The following GSK3B variants were observed in gnomAD, a reference collection of about 807,000 sequenced individuals.
The protein encoded by GSK3B is glycogen synthase kinase 3 beta.
A neutral mutation model predicts 56.4 loss-of-function variants in GSK3B; 15 were observed. The observed-to-expected ratio is 0.27, with a 90% confidence interval of 0.18 to 0.41. The LOEUF (loss-of-function observed/expected upper bound fraction) is 0.41. Among genes scored for constraint, GSK3B ranks in the 10% least tolerant of loss-of-function variants. The pLI is 1.00. For synonymous variants in GSK3B, 181 were observed against 188.9 expected (o/e 0.96, Z 0.34); for missense variants, 300 against 513.4 (o/e 0.58, Z 4.02).
At chr3:120,080,019 G>A (rs1426379269) in intron 1 of GSK3B, among the ~76,000 whole-genome samples, 1 of 152,154 alleles carries the variant, frequency 6.6e-6, no homozygotes, top group Non-Finnish European at 1.5e-5. Context: ...TTATGGCCAG[G>A]TGAGGTGGCA....
At chr3:120,028,870 G>C in intron 1 of GSK3B, 1 of 462,214 alleles carries the variant, frequency 2.2e-6, no homozygotes, top group Non-Finnish European at 4.1e-6. Context: ...CGCAGGTTTG[G>C]CTTCTTCGCA....
In GSK3B at chr3:120,093,563, C is replaced by T. The variant is rs1432172794; in HGVS notation, c.-129G>A. On this transcript the variant is annotated 5_prime_UTR_variant, in exon 1 of 11. Transcript: ENST00000264235. Reference sequence around the variant, plus strand: ...CCACAGAAGAAAAAGAAAAAGACTTCGTCCTCTTGGCTTTTCACTCCTTTT... The same window carrying T: ...CCACAGAAGAAAAAGAAAAAGACTTTGTCCTCTTGGCTTTTCACTCCTTTT... The T allele has an allele frequency of 3.2e-6, 2 of 632,078 alleles. No homozygotes were observed. The highest frequency in any genetic ancestry group is 2.6e-5 in the East Asian group (1 of 38,012). The allele number at this position is 632,078 out of a possible 1,614,324, so 39.2% of individuals were successfully genotyped here.
chr3:120,038,402 C>T (rs1346317513), intron 1 of GSK3B, among the ~76,000 whole-genome samples: 3 of 152,106 alleles, frequency 2.0e-5, no homozygotes, highest in Admixed American at 1.3e-4. Flanking sequence ...CTGGTCCACA[C>T]CTATGATACC....
In GSK3B at chr3:120,037,882, T is replaced by C. The variant is rs539371584; in HGVS notation, c.89-35643A>G. Among the ~76,000 whole-genome samples the C allele has an allele frequency of 5.9e-5, 9 of 152,278 alleles. No homozygotes were observed. In the South Asian group the frequency reaches 1.2e-3, roughly 21 times the overall value. ...CAAACAGTCCATAGGTTAACACTATTATATTTTCCTGTAATACACTATAGA... is the reference window on the plus strand; with the variant it reads ...CAAACAGTCCATAGGTTAACACTATCATATTTTCCTGTAATACACTATAGA... On this transcript the variant is annotated intron_variant, in intron 1 of 10. Coordinates refer to ENST00000264235, the MANE Select transcript of GSK3B (RefSeq NM_001146156.2).
chr3:119,979,552 A>G (rs1320536925), intron 2 of GSK3B, among the ~76,000 whole-genome samples: 1 of 152,178 alleles, frequency 6.6e-6, no homozygotes, highest in Non-Finnish European at 1.5e-5. Flanking sequence ...GCTGGAGTTA[A>G]AGGCACTGCT....
At position 120,086,761 on chromosome 3, in the gene GSK3B, C is replaced by T. The variant is rs192422738; in HGVS notation, c.88+6586G>A. Among the ~76,000 whole-genome samples the T allele has an allele frequency of 2.3e-3, 348 of 151,792 alleles. 3 individuals are homozygous for T. Among genetic ancestry groups the T allele is most frequent in the Middle Eastern group, 6.8e-3 (2 of 294 alleles). On this transcript the variant is annotated intron_variant, in intron 1 of 10. Coordinates refer to ENST00000264235, the MANE Select transcript of GSK3B (RefSeq NM_001146156.2). ...AGTGAGCCAAGACTGTGCCACTGCA[C>T]TCCAGGCTAGGCATAGGCAACACAG...
chr3:119,943,414 A>G (rs1241291857), intron 3 of GSK3B, among the ~76,000 whole-genome samples: 1 of 152,222 alleles, frequency 6.6e-6, no homozygotes, highest in African/African-American at 2.4e-5. Flanking sequence ...ACATATTATG[A>G]GGCAAGAGAA....
chr3:120,025,402 C>CA (rs2057914335), intron 1 of GSK3B, among the ~76,000 whole-genome samples: 2 of 151,182 alleles, frequency 1.3e-5, no homozygotes, highest in Non-Finnish European at 3.0e-5. Context: ...CAGCAAAGAA[C>CA]AGAAAAAAAC....
At chr3:119,844,185 G>T (rs191528787) in intron 9 of GSK3B, among the ~76,000 whole-genome samples, 28 of 152,164 alleles carry the variant, frequency 1.8e-4, no homozygotes, top group Admixed American at 5.2e-4. Flanking sequence ...TGTTTAAAGG[G>T]AAATTTATAG....
At position 120,076,850 on chromosome 3, in the gene GSK3B, A is replaced by C. The variant is rs111284126; in HGVS notation, c.88+16497T>G. 6.0e-3 allele frequency among the ~76,000 whole-genome samples: 886 copies of C among 147,172 alleles called. 10 individuals are homozygous for C. The highest frequency in any genetic ancestry group is 0.019 in the African/African-American group (766 of 39,942). ...AAAAAAAAAAAAAAATGGGCAAAGG[A>C]GGTGAATAGACATTTCCCTAAAGGT... On this transcript the variant is annotated intron_variant, in intron 1 of 10. Transcript: ENST00000264235.
chr3:120,054,185 T>A (rs2058174053), intron 1 of GSK3B, among the ~76,000 whole-genome samples: 2 of 152,220 alleles, frequency 1.3e-5, no homozygotes, highest in African/African-American at 4.8e-5. Flanking sequence ...TCTAGAAAGT[T>A]CAAGATGATG....
At position 119,913,920 on chromosome 3, in the gene GSK3B, T is replaced by C. The variant is rs189197988; in HGVS notation, c.609-1110A>G. On this transcript the variant is annotated intron_variant, in intron 5 of 10. Transcript: ENST00000264235. ...GCTGCATGAAAATTATGACATTTAGTTTTCAGCATAATTGATAGGAGACTG... is the reference window on the plus strand; with the variant it reads ...GCTGCATGAAAATTATGACATTTAGCTTTCAGCATAATTGATAGGAGACTG... Among the ~76,000 whole-genome samples, 361 of 152,228 alleles carry C rather than the reference T, an allele frequency of 2.4e-3. 2 individuals are homozygous for C. Among genetic ancestry groups the C allele is most frequent in the African/African-American group, 8.2e-3 (339 of 41,574 alleles).
intron 1 of GSK3B, among the ~76,000 whole-genome samples, chr3:120,022,110 A>G (rs1306107664): frequency 6.6e-6 from 1 of 152,230 alleles, no homozygotes; most frequent in Non-Finnish European, 1.5e-5. Context: ...AGGAAGAGTC[A>G]ATTAATCCAG....
chr3:119,963,644 A>AG (rs2057293704), intron 2 of GSK3B, among the ~76,000 whole-genome samples: 1 of 146,202 alleles, frequency 6.8e-6, no homozygotes, highest in African/African-American at 2.6e-5. Context: ...AAAAAAAAAA[A>AG]GAAAGAAAAA....
chr3:119,871,750 C>G (rs903929678), intron 8 of GSK3B, among the ~76,000 whole-genome samples: 1 of 152,246 alleles, frequency 6.6e-6, no homozygotes, highest in Middle Eastern at 3.4e-3. Context: ...TGGGGAACAA[C>G]TAGGAGACAA....
intron 2 of GSK3B, among the ~76,000 whole-genome samples, chr3:119,950,900 G>C (rs553969708): frequency 6.6e-6 from 1 of 152,318 alleles, no homozygotes; most frequent in East Asian, 1.9e-4. Context: ...GGCAGTGTTG[G>C]CAGTGAAAAC....
chr3:119,852,479 G>A (rs1464234771), intron 9 of GSK3B, among the ~76,000 whole-genome samples: 1 of 151,830 alleles, frequency 6.6e-6, no homozygotes, highest in African/African-American at 2.4e-5. Context: ...CTCCTGAGTA[G>A]TGGGATTACA....
chr3:119,913,792 T>C (rs1365138700), intron 5 of GSK3B, among the ~76,000 whole-genome samples: 1 of 152,090 alleles, frequency 6.6e-6, no homozygotes, highest in Non-Finnish European at 1.5e-5. Context: ...TAACTTCTTT[T>C]TCCTTCATCA....
At chr3:120,072,323 T>C (rs1343148982) in intron 1 of GSK3B, among the ~76,000 whole-genome samples, 2 of 152,168 alleles carry the variant, frequency 1.3e-5, no homozygotes, top group African/African-American at 4.8e-5. Context: ...CTTGGGAGGC[T>C]GAGGCAGGAG....
Sources: allele counts gnomAD v4.1 joint callset (sites outside exome capture counted in the v4.1 genomes callset), GRCh38; gene constraint gnomAD v4.1.1; transcripts MANE v1.5; gene names NCBI Gene and HGNC (gene_info 2026-07-23, HGNC 2026-07-21).